ZNF532: variants seen among roughly 807,000 people sequenced by gnomAD.
ZNF532 encodes the protein zinc finger protein 532.
In ZNF532, 22 loss-of-function variants were observed where a neutral mutation model predicts 89.3. The ratio of observed to expected loss-of-function variants is 0.25; its 90% CI spans 0.18 to 0.35. The LOEUF is 0.35. Ranked by LOEUF, ZNF532 falls within the 10% of genes least tolerant of loss-of-function variation. The probability of loss-of-function intolerance (pLI) is 1.00; values close to 1 mark genes in which losing one functional copy is unlikely to be tolerated. For missense variants in ZNF532, 1,132 were observed against 1,643.4 expected (o/e 0.69, Z 5.38); for synonymous variants, 606 against 649.6 (o/e 0.93, Z 1.02).
intron 2 of ZNF532, among the ~76,000 whole-genome samples, chr18:58,917,620 A>G (rs888611641): frequency 2.0e-5 from 3 of 151,968 alleles, no homozygotes; most frequent in Non-Finnish European, 4.4e-5. Context: ...CCATCCTCCT[A>G]TCATCTGGGA....
intron 2 of ZNF532, among the ~76,000 whole-genome samples, chr18:58,910,151 G>A (rs2060192063): frequency 6.6e-6 from 1 of 152,104 alleles, no homozygotes; most frequent in Non-Finnish European, 1.5e-5. Flanking sequence ...TTACTTAAAG[G>A]TCACATCTTG....
At chr18:58,887,265 T>C (rs1479641864) in intron 2 of ZNF532, among the ~76,000 whole-genome samples, 1 of 152,254 alleles carries the variant, frequency 6.6e-6, no homozygotes, top group Non-Finnish European at 1.5e-5. Flanking sequence ...AATTTTTCTG[T>C]GCAGAACCAC....
chr18:58,964,418 C>T (rs947485436), intron 7 of ZNF532, among the ~76,000 whole-genome samples: 4 of 152,084 alleles, frequency 2.6e-5, no homozygotes, highest in African/African-American at 9.7e-5. Context: ...GCATTTGTGT[C>T]AGATGTGATT....
intron 2 of ZNF532, among the ~76,000 whole-genome samples, chr18:58,914,861 T>C (rs1249293479): frequency 6.6e-6 from 1 of 152,210 alleles, no homozygotes; most frequent in Non-Finnish European, 1.5e-5. Context: ...AAGAGAGGAC[T>C]GAGATTTATT....
At chr18:58,936,259 G>A (rs908475699) in intron 4 of ZNF532, among the ~76,000 whole-genome samples, 11 of 152,206 alleles carry the variant, frequency 7.2e-5, no homozygotes, top group Admixed American at 2.0e-4. Flanking sequence ...CCCCAGATCT[G>A]CAAAGTCCAT....
chr18:58,939,135 T>C (rs1184678287), intron 4 of ZNF532, among the ~76,000 whole-genome samples: 1 of 150,292 alleles, frequency 6.7e-6, no homozygotes, highest in Non-Finnish European at 1.5e-5. Context: ...TAATCCCAGC[T>C]ACTTGGGAGG....
Position 58,976,844 on chromosome 18 carries a change from A to G in ZNF532, c.3151-2211A>G, listed in dbSNP as rs186265363. On this transcript the variant is annotated intron_variant, in intron 7 of 9. Coordinates refer to ENST00000591808, the MANE Select transcript of ZNF532 (RefSeq NM_001375912.1). Reference sequence around the variant, plus strand: ...GTTGATTTTTATATGTAGAAAATATAAAAAGCATTAGATACTAGATTTTTA... The same window carrying G: ...GTTGATTTTTATATGTAGAAAATATGAAAAGCATTAGATACTAGATTTTTA... 2.0e-3 allele frequency among the ~76,000 whole-genome samples: 302 copies of G among 152,346 alleles called. 2 individuals carry two copies. Among genetic ancestry groups the G allele is most frequent in the Admixed American group, 4.0e-3 (61 of 15,298 alleles).
chr18:58,865,852 A>G (rs962410044), intron 2 of ZNF532, among the ~76,000 whole-genome samples: 1 of 152,212 alleles, frequency 6.6e-6, no homozygotes, highest in Non-Finnish European at 1.5e-5. Context: ...GGTAGGCGTC[A>G]GGGCCTTGTG....
At chr18:58,889,958 G>A (rs1161848478) in intron 2 of ZNF532, among the ~76,000 whole-genome samples, 1 of 150,636 alleles carries the variant, frequency 6.6e-6, no homozygotes, top group Non-Finnish European at 1.5e-5. Flanking sequence ...GCATGCACCT[G>A]TATAGTCCCA....
Position 58,984,500 on chromosome 18 carries a change from C to T in ZNF532, c.*34C>T. 6.3e-7 allele frequency: 1 copy of T among 1,581,000 alleles called. No individual in the cohort carries two copies. Among genetic ancestry groups the T allele is most frequent in the Non-Finnish European group, 8.6e-7 (1 of 1,165,164 alleles). ...GCTCCATGAGGAAAATCCCTGTCCACATTGGAATAAAAAAGACATTTTTGT... is the reference window on the plus strand; with the variant it reads ...GCTCCATGAGGAAAATCCCTGTCCATATTGGAATAAAAAAGACATTTTTGT... On this transcript the variant is annotated 3_prime_UTR_variant, in exon 10 of 10. Transcript: ENST00000591808.
chr18:58,925,187 C>T (rs1456244196), intron 3 of ZNF532, among the ~76,000 whole-genome samples: 1 of 152,172 alleles, frequency 6.6e-6, no homozygotes, highest in Non-Finnish European at 1.5e-5. Context: ...CGTTTAGACT[C>T]TTAAACTGTT....
At chr18:58,965,658 G>C (rs1050000383) in intron 7 of ZNF532, among the ~76,000 whole-genome samples, 1 of 152,246 alleles carries the variant, frequency 6.6e-6, no homozygotes, top group Non-Finnish European at 1.5e-5. Flanking sequence ...TTGGAAGACT[G>C]TGAATGTCCT....
chr18:58,959,168 T>C (rs962563659), intron 7 of ZNF532, among the ~76,000 whole-genome samples: 1 of 152,060 alleles, frequency 6.6e-6, no homozygotes, highest in African/African-American at 2.4e-5. Flanking sequence ...ACTTATTAAT[T>C]GAAATATCCT....
intron 8 of ZNF532, chr18:58,981,214 T>G: frequency 2.2e-6 from 1 of 459,432 alleles, no homozygotes; most frequent in Non-Finnish European, 4.0e-6. Flanking sequence ...GTGCTCATTC[T>G]GAGAGAATAC....
At chr18:58,983,544 C>T (rs2068079017) in intron 9 of ZNF532, among the ~76,000 whole-genome samples, 1 of 152,176 alleles carries the variant, frequency 6.6e-6, no homozygotes, top group Non-Finnish European at 1.5e-5. Context: ...TTTCAAATGT[C>T]ACCTGTCACC....
intron 2 of ZNF532, among the ~76,000 whole-genome samples, 183 bp from the exon 3 acceptor site, chr18:58,918,088 G>T (rs2060734280): frequency 6.6e-6 from 1 of 152,096 alleles, no homozygotes; most frequent in South Asian, 2.1e-4. Flanking sequence ...AAATTATCTA[G>T]GTCTTACATG....
At chr18:58,954,076 A>AG in intron 7 of ZNF532, 2 of 978,906 alleles carry the variant, frequency 2.0e-6, no homozygotes, top group African/African-American at 3.5e-5. Context: ...TTTATAGCTT[A>AG]GGAAAGAGAA....
chr18:58,872,403 T>C (rs774875392), intron 2 of ZNF532, among the ~76,000 whole-genome samples: 1 of 152,234 alleles, frequency 6.6e-6, no homozygotes, highest in Non-Finnish European at 1.5e-5. Context: ...GTAATGGGTA[T>C]TGATTTTATC....
chr18:58,950,871 C>T (rs578135149), intron 6 of ZNF532, among the ~76,000 whole-genome samples: 2 of 152,228 alleles, frequency 1.3e-5, no homozygotes, highest in South Asian at 4.2e-4. Context: ...CCTCTGGTCT[C>T]AAGTGGTTTT....
Sources: gnomAD v4.1 joint callset for allele counts (sites outside exome capture counted in the v4.1 genomes callset) on GRCh38, gnomAD v4.1.1 for gene constraint, MANE v1.5 for transcripts, NCBI Gene and HGNC (gene_info 2026-07-23, HGNC 2026-07-21) for gene names.